The following KLHL8 variants were observed in gnomAD, a reference collection of about 807,000 sequenced individuals.
KLHL8 encodes kelch-like protein 8.
Under a neutral mutation model 63.5 loss-of-function variants are expected in KLHL8, and 38 were observed. The ratio of observed to expected loss-of-function variants is 0.60; its 90% CI spans 0.46 to 0.78. KLHL8 has a LOEUF of 0.78. Among genes scored for constraint, KLHL8 ranks in the 30% least tolerant of loss-of-function variants. KLHL8 has a pLI of 0.00. For synonymous variants in KLHL8, 224 were observed against 254.3 expected (o/e 0.88, Z 1.13); for missense variants, 566 against 752.4 (o/e 0.75, Z 2.90).
Position 87,185,351 on chromosome 4 carries a change from A to C in KLHL8, c.665T>G (p.Leu222Arg). 6.2e-7 allele frequency: 1 copy of C among 1,614,198 alleles called. No individual in the cohort carries two copies. The change falls in exon 3 of 10, where the codon CTA becomes CGA. Residue 222 changes from leucine to arginine, a missense_variant. Physicochemically the swap from Leu to Arg is moderately radical, Grantham distance 102. Coordinates refer to ENST00000273963, the MANE Select transcript of KLHL8 (RefSeq NM_020803.5). The part of the protein sequence containing the change: ...HLHKLLSSSD[L>R]NIENEKQVYN... ...GACCTGCTTTTCATTTTCAATATTT[A>C]GATCACTGGAGGACAAAAGCTTATG...
At chr4:87,197,028 T>C (rs1731723116) in intron 1 of KLHL8, among the ~76,000 whole-genome samples, 1 of 152,242 alleles carries the variant, frequency 6.6e-6, no homozygotes, top group African/African-American at 2.4e-5. Context: ...CATTAGGTTC[T>C]TTATTGTTAA....
chr4:87,213,861 C>T lies in KLHL8; in HGVS notation c.-152+6557G>A, dbSNP rs113451696. Among the ~76,000 whole-genome samples the T allele has an allele frequency of 5.1e-3, 777 of 152,234 alleles. 6 individuals carry two copies. Among genetic ancestry groups the T allele is most frequent in the Non-Finnish European group, 7.4e-3 (500 of 68,010 alleles). On this transcript the variant is annotated intron_variant, in intron 1 of 9. Transcript: ENST00000273963. ...ACGCGACACAAGGCACATAAACTGG[C>T]GGTTAGCAGCAGACACTTTAGAGCT...
At chr4:87,236,102 G>T (rs1026718630) in intron 1 of KLHL8, among the ~76,000 whole-genome samples, 1 of 152,138 alleles carries the variant, frequency 6.6e-6, no homozygotes, top group Non-Finnish European at 1.5e-5. Flanking sequence ...TCAAACAACA[G>T]TAGCCTTTCT....
Position 87,237,073 on chromosome 4 carries a change from T to C in KLHL8, n.57+3185A>G, listed in dbSNP as rs111415347. On this transcript the variant is annotated intron_variant and non_coding_transcript_variant, in intron 1 of 1. Coordinates refer to the KLHL8 transcript ENST00000506274. ...TCCTAAGTGCCACATGTCCTTCCCA[T>C]AGCTAAAAATCCCAGAACTGGCCAG... is the stretch of plus-strand genomic sequence containing the variant. 7.4e-3 allele frequency among the ~76,000 whole-genome samples: 1,127 copies of C among 152,222 alleles called. 12 individuals carry two copies. The highest frequency in any genetic ancestry group is 0.025 in the African/African-American group (1,054 of 41,498).
intron 1 of KLHL8, among the ~76,000 whole-genome samples, chr4:87,208,604 C>T (rs147202670): frequency 4.8e-4 from 73 of 152,240 alleles, no homozygotes; most frequent in African/African-American, 1.7e-3. Flanking sequence ...TCCCAAAATG[C>T]GGGGACTACA....
At chr4:87,207,810 C>A in intron 1 of KLHL8, 1 of 1,053,894 alleles carries the variant, frequency 9.5e-7, no homozygotes, top group South Asian at 1.3e-5. Flanking sequence ...AGGTGTCGGT[C>A]ATTAACCTGA....
At chr4:87,206,498 C>T (rs1560712205) in intron 1 of KLHL8, among the ~76,000 whole-genome samples, 1 of 152,096 alleles carries the variant, frequency 6.6e-6, no homozygotes, top group African/African-American at 2.4e-5. Context: ...CTGTGCACCA[C>T]CTATTTTGCC....
chr4:87,221,493 A>G (rs1482907805), upstream of KLHL8: 1 of 151,304 alleles, frequency 6.6e-6, no homozygotes, highest in East Asian at 2.0e-4. Context: ...GTGAGGCGGG[A>G]GATCAAGAGA....
Position 87,172,142 on chromosome 4 carries a change from C to T in KLHL8, c.1209-1527G>A, listed in dbSNP as rs1044448710. On this transcript the variant is annotated intron_variant, in intron 6 of 9. Transcript: ENST00000273963. ...AACCTTCAAAAGCAGAGAGGTTTCT[C>T]CAGCTGATTGTCAGAAATTCAAAAA... is the stretch of plus-strand genomic sequence containing the variant. Among the ~76,000 whole-genome samples the T allele has an allele frequency of 4.6e-5, 7 of 152,234 alleles. No individual in the cohort carries two copies. In the South Asian group the frequency reaches 1.5e-3, roughly 32 times the overall value.
chr4:87,224,915 T>TA (rs950064828), upstream of KLHL8, among the ~76,000 whole-genome samples: 5 of 152,216 alleles, frequency 3.3e-5, no homozygotes, highest in African/African-American at 1.2e-4. Context: ...TTTTTGTTTT[T>TA]ATTTTGTTAA....
chr4:87,207,495 T>C (rs1378512320), intron 1 of KLHL8: 12 of 794,638 alleles, frequency 1.5e-5, no homozygotes, highest in East Asian at 4.9e-5. Context: ...GCATGAACCA[T>C]GAGAAGTATG....
chr4:87,202,120 G>C (rs1473627504), intron 1 of KLHL8, among the ~76,000 whole-genome samples: 2 of 150,774 alleles, frequency 1.3e-5, no homozygotes, highest in Non-Finnish European at 3.0e-5. Flanking sequence ...AAAAAAAAGA[G>C]AAAGTATTAA....
chr4:87,215,051 G>A (rs113922753), intron 1 of KLHL8, among the ~76,000 whole-genome samples: 6 of 152,088 alleles, frequency 3.9e-5, no homozygotes, highest in African/African-American at 9.7e-5. Flanking sequence ...CACCTGCCTC[G>A]GCCTCCCACG....
At chr4:87,217,228 A>G (rs1355611393) in intron 1 of KLHL8, among the ~76,000 whole-genome samples, 1 of 137,660 alleles carries the variant, frequency 7.3e-6, no homozygotes, top group Non-Finnish European at 1.6e-5. Context: ...GGCTAATATA[A>G]ACCATTTTGT....
rs549188377 is a variant in KLHL8, at chr4:87,185,820, A to T, written c.217-21T>A. The stretch of plus-strand genomic sequence containing the variant: ...CCAACCTGTTCAAAAGAAACCAAGA[A>T]AGATTCTGTTTAATATCAAAATCAG... On this transcript the variant is annotated intron_variant, in intron 2 of 9. Coordinates refer to ENST00000273963, the MANE Select transcript of KLHL8 (RefSeq NM_020803.5). 3.9e-6 allele frequency: 6 copies of T among 1,540,128 alleles called. No homozygotes were observed. The African/African-American group carries it at 8.3e-5, about 21-fold the overall frequency.
chr4:87,195,215 T>A (rs1370573904), intron 2 of KLHL8, 109 bp downstream of exon 2: 5 of 727,560 alleles, frequency 6.9e-6, no homozygotes, highest in Non-Finnish European at 1.1e-5. Context: ...GCATTCTGAC[T>A]GTATCAAATA....
chr4:87,175,447 C>T (rs1437190117), intron 6 of KLHL8, among the ~76,000 whole-genome samples: 1 of 152,096 alleles, frequency 6.6e-6, no homozygotes, highest in Non-Finnish European at 1.5e-5. Context: ...AACCTGATTT[C>T]CCACCATGTT....
At chr4:87,214,417 TATATATATATATATATA>T in intron 1 of KLHL8, among the ~76,000 whole-genome samples, 1 of 13,678 alleles carries the variant, frequency 7.3e-5, no homozygotes, top group East Asian at 0.015. Flanking sequence ...ACATAACAGA[TATATATATATATATATA>T]TATATATATA....
At chr4:87,226,410 A>G (rs1446835926) in intron 1 of KLHL8, among the ~76,000 whole-genome samples, 2 of 150,718 alleles carry the variant, frequency 1.3e-5, no homozygotes, top group Admixed American at 6.7e-5. Flanking sequence ...TAAAAATACA[A>G]AAATTAGCCG....
Sources: allele counts gnomAD v4.1 joint callset (sites outside exome capture counted in the v4.1 genomes callset), GRCh38; gene constraint gnomAD v4.1.1; transcripts MANE v1.5; gene names NCBI Gene and HGNC (gene_info 2026-07-23, HGNC 2026-07-21).